BMPR1B: variants seen among roughly 807,000 people sequenced by gnomAD.
The protein encoded by BMPR1B is bone morphogenetic protein receptor type 1B, also known as bone morphogenetic protein receptor type-1B.
Under a neutral mutation model 59.1 loss-of-function variants are expected in BMPR1B, and 12 were observed. The ratio of observed to expected loss-of-function variants is 0.20; its 90% CI spans 0.13 to 0.33. BMPR1B has a LOEUF of 0.33. Among genes scored for constraint, BMPR1B ranks in the 10% least tolerant of loss-of-function variants. The pLI is 1.00. For missense variants in BMPR1B, 550 were observed against 610.9 expected (o/e 0.90, Z 1.05); for synonymous variants, 237 against 207.3 (o/e 1.14, Z -1.23).
chr4:95,033,686 G>A (rs930691760), intron 3 of BMPR1B, among the ~76,000 whole-genome samples: 2 of 152,128 alleles, frequency 1.3e-5, no homozygotes, highest in Non-Finnish European at 2.9e-5. Flanking sequence ...AGACATGGAG[G>A]CATTTCCAGG....
intron 10 of BMPR1B, among the ~76,000 whole-genome samples, chr4:95,148,279 A>C (rs1734785912): frequency 6.6e-6 from 1 of 152,214 alleles, no homozygotes; most frequent in Non-Finnish European, 1.5e-5. Context: ...TTTTTAAAAT[A>C]GGAGGGGAAG....
chr4:94,927,292 T>G (rs1728927738), intron 2 of BMPR1B, among the ~76,000 whole-genome samples: 1 of 152,130 alleles, frequency 6.6e-6, no homozygotes, highest in Admixed American at 6.6e-5. Context: ...GAGAAATAAT[T>G]GTAGTGCATT....
chr4:94,789,344 C>T (rs1334290156), intron 1 of BMPR1B, among the ~76,000 whole-genome samples: 1 of 152,176 alleles, frequency 6.6e-6, no homozygotes, highest in Admixed American at 6.5e-5. Context: ...AGAGGATCAG[C>T]TTCAATGATT....
At chr4:94,791,587 A>G (rs921475206) in intron 1 of BMPR1B, among the ~76,000 whole-genome samples, 12 of 152,176 alleles carry the variant, frequency 7.9e-5, no homozygotes, top group African/African-American at 2.9e-4. Flanking sequence ...ATTTTTTAAA[A>G]TTTACTTAAA....
chr4:95,025,303 T>C lies in BMPR1B; in HGVS notation c.-18+29169T>C, dbSNP rs73836101. Among the ~76,000 whole-genome samples the C allele has an allele frequency of 5.8e-3, 885 of 152,224 alleles. 10 individuals carry two copies. The highest frequency in any genetic ancestry group is 0.02 in the African/African-American group (842 of 41,554). ...TGGTTTTGTTCGAAATTGGGAGATG[T>C]TAGGCAGTGAAGTCATGTGTGTTTT... On this transcript the variant is annotated intron_variant, in intron 3 of 12. Coordinates refer to ENST00000515059, the MANE Select transcript of BMPR1B (RefSeq NM_001203.3).
intron 3 of BMPR1B, among the ~76,000 whole-genome samples, chr4:95,072,288 C>T (rs1728368156): frequency 6.6e-6 from 1 of 152,322 alleles, no homozygotes; most frequent in Admixed American, 6.5e-5. Context: ...ATGTTAATCT[C>T]ATCCAAAGAC....
chr4:94,800,452 T>G (rs1723364327), intron 1 of BMPR1B, among the ~76,000 whole-genome samples: 1 of 150,412 alleles, frequency 6.6e-6, no homozygotes, highest in Non-Finnish European at 1.5e-5. Context: ...TTACTATTTT[T>G]TTTTTTTTTT....
At chr4:94,886,051 G>A (rs1727158747) in intron 2 of BMPR1B, among the ~76,000 whole-genome samples, 1 of 152,116 alleles carries the variant, frequency 6.6e-6, no homozygotes. Context: ...GACAAAGATT[G>A]TTAACACTGC....
chr4:94,759,864 C>CT (rs1721691916), intron 1 of BMPR1B, among the ~76,000 whole-genome samples: 1 of 152,160 alleles, frequency 6.6e-6, no homozygotes, highest in Non-Finnish European at 1.5e-5. Flanking sequence ...GTAGTGATGT[C>CT]TTTTTATGGG....
intron 4 of BMPR1B, among the ~76,000 whole-genome samples, chr4:95,111,029 C>T (rs971439612): frequency 2.6e-5 from 4 of 152,104 alleles, no homozygotes; most frequent in Admixed American, 2.0e-4. Flanking sequence ...AACTTGTTTA[C>T]AGATGACCTA....
intron 1 of BMPR1B, among the ~76,000 whole-genome samples, chr4:94,801,234 A>G (rs927963691): frequency 2.0e-5 from 3 of 152,214 alleles, no homozygotes; most frequent in African/African-American, 4.8e-5. Flanking sequence ...CCAGTGTCAT[A>G]TGCCTTATGA....
At chr4:95,100,786 T>C (rs1730762204) in intron 3 of BMPR1B, among the ~76,000 whole-genome samples, 1 of 152,202 alleles carries the variant, frequency 6.6e-6, no homozygotes, top group Non-Finnish European at 1.5e-5. Flanking sequence ...GGGATTTTCA[T>C]TTATGCAATT....
chr4:94,916,089 C>G (rs2149017811), intron 2 of BMPR1B, among the ~76,000 whole-genome samples: 1 of 152,258 alleles, frequency 6.6e-6, no homozygotes, highest in East Asian at 1.9e-4. Flanking sequence ...GCCTGCAGGA[C>G]CATGAGCTGG....
chr4:94,814,754 ATAT>A (rs1186805797), intron 1 of BMPR1B, among the ~76,000 whole-genome samples: 3 of 152,172 alleles, frequency 2.0e-5, no homozygotes, highest in Non-Finnish European at 4.4e-5. Context: ...TACTTCATAT[ATAT>A]TATTGTACTG....
At chr4:94,980,992 C>G (rs1294958475) in intron 2 of BMPR1B, among the ~76,000 whole-genome samples, 1 of 83,472 alleles carries the variant, frequency 1.2e-5, no homozygotes. Flanking sequence ...AAGACTCCAT[C>G]ACACACACAC....
At chr4:94,931,827 G>A (rs1445521266) in intron 2 of BMPR1B, among the ~76,000 whole-genome samples, 3 of 152,042 alleles carry the variant, frequency 2.0e-5, no homozygotes, top group South Asian at 2.1e-4. Flanking sequence ...CATCAGAGCC[G>A]TTCAGTCACC....
intron 1 of BMPR1B, among the ~76,000 whole-genome samples, chr4:94,818,046 C>T (rs1032371614): frequency 1.2e-4 from 19 of 152,266 alleles, no homozygotes; most frequent in African/African-American, 4.3e-4. Context: ...AGAAGCTCTG[C>T]AGAGGATTCC....
At chr4:95,005,150 T>C (rs1722730650) in intron 3 of BMPR1B, among the ~76,000 whole-genome samples, 1 of 152,162 alleles carries the variant, frequency 6.6e-6, no homozygotes, top group African/African-American at 2.4e-5. Flanking sequence ...ATAGTGTATG[T>C]TCCTTCTAGT....
intron 3 of BMPR1B, among the ~76,000 whole-genome samples, chr4:95,065,453 A>G (rs1727727642): frequency 1.3e-5 from 2 of 152,218 alleles, no homozygotes; most frequent in African/African-American, 4.8e-5. Context: ...TGTTAATTAT[A>G]TCCCAATAAA....
Sources: gnomAD v4.1 joint callset for allele counts (sites outside exome capture counted in the v4.1 genomes callset) on GRCh38, gnomAD v4.1.1 for gene constraint, MANE v1.5 for transcripts, NCBI Gene and HGNC (gene_info 2026-07-23, HGNC 2026-07-21) for gene names.